The following MAT2B variants were observed in gnomAD, a reference collection of about 807,000 sequenced individuals.
The protein encoded by MAT2B is methionine adenosyltransferase 2 subunit beta.
MAT2B carries 16 observed loss-of-function variants against 36.1 expected under a neutral mutation model. The ratio of observed to expected loss-of-function variants is 0.44; its 90% CI spans 0.30 to 0.67. The LOEUF (loss-of-function observed/expected upper bound fraction) is 0.67, where lower values mean the gene tolerates loss of function less well. MAT2B is among the 30% of genes least tolerant of loss of function. The pLI is 0.09. For synonymous variants in MAT2B, 148 were observed against 136.9 expected (o/e 1.08, Z -0.57); for missense variants, 332 against 398.2 (o/e 0.83, Z 1.42).
At chr5:163,505,817 C>T (rs1759924931) in intron 1 of MAT2B, 68 bp downstream of exon 1, 7 of 1,206,946 alleles carry the variant, frequency 5.8e-6, no homozygotes, top group Middle Eastern at 6.1e-4. Context: ...CACCGGGGCT[C>T]GGGCGGCTTT....
rs1485864355 is a variant in MAT2B, at chr5:163,519,032, T to C, written c.*669T>C. The C allele has an allele frequency of 6.6e-6, 1 of 152,450 alleles. No homozygotes were observed. Among genetic ancestry groups the C allele is most frequent in the Non-Finnish European group, 1.5e-5 (1 of 68,032 alleles). 9.4% of individuals were successfully genotyped at this position (152,450 alleles called of 1,614,324 possible). The stretch of plus-strand genomic sequence containing the variant: ...TTTTAATATAAATATATAACTGTCC[T>C]TTTCATCCCATGTTGCCGCTAAGTG... On this transcript the variant is annotated 3_prime_UTR_variant, in exon 7 of 7. Coordinates refer to ENST00000321757, the MANE Select transcript of MAT2B (RefSeq NM_013283.5).
At chr5:163,513,527 T>TA in intron 2 of MAT2B, 28 bp from the exon 3 acceptor site, 1 of 1,347,772 alleles carries the variant, frequency 7.4e-7, no homozygotes, top group Non-Finnish European at 1.1e-6. Context: ...TATTTTGAGT[T>TA]AAAAATACGT....
At chr5:163,516,372 G>A in intron 4 of MAT2B, 146 bp from the exon 5 acceptor site, 1 of 663,356 alleles carries the variant, frequency 1.5e-6, no homozygotes, top group Admixed American at 2.9e-5. Context: ...ACATTGCGTT[G>A]TCACAAGTGA....
rs201566984 is a variant in MAT2B, at chr5:163,518,403, G to A, written c.*40G>A. ...GTTCTTTTTTTTTTTTAAATGAAAA[G>A]TATAGTATGTGGCACTTTTTAAAGA... On this transcript the variant is annotated 3_prime_UTR_variant, in exon 7 of 7. Coordinates refer to ENST00000321757, the MANE Select transcript of MAT2B (RefSeq NM_013283.5). 4 of 1,531,616 alleles carry A rather than the reference G, an allele frequency of 2.6e-6. No individual in the cohort carries two copies. Among genetic ancestry groups the A allele is most frequent in the Non-Finnish European group, 3.5e-6 (4 of 1,130,388 alleles). The allele number at this position is 1,531,616 out of a possible 1,614,324, so 94.9% of individuals were successfully genotyped here. A position where few individuals can be genotyped will look rare whatever the true frequency, so the allele number is the denominator to read the frequency against.
intron 1 of MAT2B, among the ~76,000 whole-genome samples, chr5:163,509,114 G>A (rs1369259362): frequency 6.6e-6 from 1 of 152,092 alleles, no homozygotes; most frequent in Non-Finnish European, 1.5e-5. Flanking sequence ...CTCTTAAGTT[G>A]CATTAAGTTA....
At chr5:163,516,771 A>G (rs758837085) in intron 5 of MAT2B, 60 bp downstream of exon 5, 1 of 1,571,710 alleles carries the variant, frequency 6.4e-7, no homozygotes, top group Non-Finnish European at 8.7e-7. Flanking sequence ...TCCATGCTTG[A>G]ACTTTCACAG....
intron 1 of MAT2B, among the ~76,000 whole-genome samples, chr5:163,508,546 C>T (rs1759983546): frequency 1.3e-5 from 2 of 152,038 alleles, no homozygotes; most frequent in Non-Finnish European, 2.9e-5. Context: ...CCTCAAACTG[C>T]TATTAAAAAA....
Position 163,512,720 on chromosome 5 carries a change from G to T in MAT2B, c.258+524G>T, listed in dbSNP as rs747878331. 4 of 453,064 alleles carry T rather than the reference G, an allele frequency of 8.8e-6. No individual in the cohort carries two copies. In the East Asian group the frequency reaches 2.8e-4, roughly 32 times the overall value. 28.1% of individuals were successfully genotyped at this position (453,064 alleles called of 1,614,324 possible). ...TTTTGTGACGTAATCTTGGTTTGTT[G>T]CCCAGGCTGGAGTGCAGTGGTGCAG... is the stretch of plus-strand genomic sequence containing the variant. On this transcript the variant is annotated intron_variant, in intron 2 of 6. Coordinates refer to ENST00000321757, the MANE Select transcript of MAT2B (RefSeq NM_013283.5).
intron 1 of MAT2B, among the ~76,000 whole-genome samples, chr5:163,510,957 C>T (rs1180770571): frequency 6.6e-6 from 1 of 152,156 alleles, no homozygotes; most frequent in Non-Finnish European, 1.5e-5. Context: ...GACGCAAATA[C>T]TAATCAGGCC....
intron 4 of MAT2B, among the ~76,000 whole-genome samples, chr5:163,515,031 G>A (rs1760110370): frequency 6.6e-6 from 1 of 152,210 alleles, no homozygotes; most frequent in South Asian, 2.1e-4. Context: ...AGAGCAGAAA[G>A]GGATGTGCTT....
At chr5:163,514,623 C>T (rs1760101940) in intron 4 of MAT2B, among the ~76,000 whole-genome samples, 3 of 151,550 alleles carry the variant, frequency 2.0e-5, no homozygotes, top group African/African-American at 4.9e-5. Context: ...TTTTTTTTCC[C>T]TCAACATCTT....
chr5:163,516,787 C>CT (rs761376135), intron 5 of MAT2B, 76 bp downstream of exon 5: 8 of 1,521,534 alleles, frequency 5.3e-6, no homozygotes, highest in Admixed American at 1.7e-5. Context: ...CACAGCTGTA[C>CT]TTGGAGTGTT....
intron 2 of MAT2B, chr5:163,512,771 C>T: frequency 2.3e-6 from 1 of 427,506 alleles, no homozygotes; most frequent in Non-Finnish European, 4.6e-6. Flanking sequence ...CCTCCGCCTC[C>T]CAGGGTTCAA....
chr5:163,510,224 C>T (rs1240410687), intron 1 of MAT2B, among the ~76,000 whole-genome samples: 1 of 152,106 alleles, frequency 6.6e-6, no homozygotes, highest in African/African-American at 2.4e-5. Context: ...TGTTACCCAT[C>T]TTGGGAAGAA....
intron 1 of MAT2B, among the ~76,000 whole-genome samples, chr5:163,506,131 C>G (rs1013900331): frequency 6.6e-6 from 1 of 152,202 alleles, no homozygotes; most frequent in African/African-American, 2.4e-5. Context: ...TGAGAAAGAA[C>G]AGGAAAAGGT....
chr5:163,517,620 A>T lies in MAT2B; in HGVS notation c.780A>T (p.Glu260Asp), dbSNP rs1482000203. ...GCAATGAACAGATGACTAAGTATGAAATGGCATGTGCAATTGCAGATGCCT... is the reference window on the plus strand; with the variant it reads ...GCAATGAACAGATGACTAAGTATGATATGGCATGTGCAATTGCAGATGCCT... ...WSGNEQMTKY[E>D]MACAIADAFN... Residue 260 changes from glutamate to aspartate, a missense_variant, in exon 6 of 7, where the codon GAA (glutamate) becomes GAT (aspartate). Physicochemically the swap from Glu to Asp is conservative, Grantham distance 45. Transcript: ENST00000321757. 9 of 1,613,970 alleles carry T rather than the reference A, an allele frequency of 5.6e-6. No homozygotes were observed. Among genetic ancestry groups the T allele is most frequent in the Non-Finnish European group, 7.6e-6 (9 of 1,179,886 alleles).
intron 2 of MAT2B, chr5:163,512,704 G>A (rs1317303284): frequency 8.8e-6 from 4 of 453,520 alleles, no homozygotes; most frequent in East Asian, 7.1e-5. Flanking sequence ...TTTTTGTGAC[G>A]TAATCTTGGT....
chr5:163,514,763 C>A (rs1760105275), intron 4 of MAT2B, among the ~76,000 whole-genome samples: 1 of 152,044 alleles, frequency 6.6e-6, no homozygotes, highest in South Asian at 2.1e-4. Context: ...GAGAAGCAGC[C>A]CTAGTGTAGA....
intron 1 of MAT2B, among the ~76,000 whole-genome samples, chr5:163,510,029 T>A (rs985258005): frequency 2.0e-5 from 3 of 152,178 alleles, no homozygotes; most frequent in Non-Finnish European, 2.9e-5. Flanking sequence ...TAAAAAAAAA[T>A]GTATGTATTC....
Sources: gnomAD v4.1 joint callset for allele counts (sites outside exome capture counted in the v4.1 genomes callset) on GRCh38, gnomAD v4.1.1 for gene constraint, MANE v1.5 for transcripts, NCBI Gene and HGNC (gene_info 2026-07-23, HGNC 2026-07-21) for gene names.